Variants in IQCK observed in about 807,000 individuals in gnomAD.
IQCK encodes the protein IQ motif containing K.
In IQCK, 29 loss-of-function variants were observed where a neutral mutation model predicts 28.1. The observed-to-expected ratio is 1.03, with a 90% CI of 0.77 to 1.41. The LOEUF (loss-of-function observed/expected upper bound fraction) is 1.41, where lower values mean the gene tolerates loss of function less well. Among genes scored for constraint, IQCK ranks in the 40% most tolerant of loss-of-function variants. IQCK has a pLI of 0.00. For synonymous variants in IQCK, 113 were observed against 115.1 expected (o/e 0.98, Z 0.12); for missense variants, 359 against 314.7 (o/e 1.14, Z -1.07).
intron 4 of IQCK, chr16:19,761,330 C>T (rs2055138940): frequency 2.2e-6 from 1 of 447,166 alleles, no homozygotes; most frequent in Admixed American, 2.5e-5. Context: ...CTTCATCTCT[C>T]TGGTCTCCTG....
chr16:19,758,330 G>A (rs1180032014), intron 4 of IQCK, among the ~76,000 whole-genome samples: 2 of 152,136 alleles, frequency 1.3e-5, no homozygotes, highest in African/African-American at 2.4e-5. Context: ...GCACGTCCAC[G>A]CTTGCCCAGA....
At position 19,819,881 on chromosome 16, in the gene IQCK, G is replaced by GA. The variant is rs113684524; in HGVS notation, c.691-7134dup. On this transcript the variant is annotated intron_variant, in intron 7 of 7. Transcript: ENST00000564186. ...ACAGAAAGTCCATACAGTTTAACTT[G>GA]AAAAAAAAAAACATGCATTGTGGGA... is the stretch of plus-strand genomic sequence containing the variant. 8.8e-3 allele frequency among the ~76,000 whole-genome samples: 1,270 copies of GA among 144,334 alleles called. 5 individuals carry two copies. Among genetic ancestry groups the GA allele is most frequent in the African/African-American group, 0.013 (533 of 39,550 alleles). 94.7% of individuals were successfully genotyped at this position (144,334 alleles called of 152,430 possible).
chr16:19,839,470 G>C (rs1214497003), intron 9 of IQCK, among the ~76,000 whole-genome samples: 1 of 151,314 alleles, frequency 6.6e-6, no homozygotes, highest in Admixed American at 6.6e-5. Flanking sequence ...CAGTCACCCA[G>C]GATTTTAATG....
intron 7 of IQCK, among the ~76,000 whole-genome samples, chr16:19,823,491 C>G (rs1404116720): frequency 6.6e-6 from 1 of 152,136 alleles, no homozygotes; most frequent in Admixed American, 6.6e-5. Context: ...GAGAAGAGGA[C>G]ACCTGGGGTC....
intron 6 of IQCK, among the ~76,000 whole-genome samples, chr16:19,785,260 T>C (rs2055547109): frequency 6.6e-6 from 1 of 152,188 alleles, no homozygotes. Context: ...GCCGATCTGC[T>C]GGGTGCCCTT....
exon 10 of IQCK, chr16:19,858,434 A>G: frequency 1.6e-6 from 1 of 644,388 alleles, no homozygotes; most frequent in Non-Finnish European, 2.8e-6. Context: ...TGCTCACCTT[A>G]TATGCTTGGA....
intron 9 of IQCK, among the ~76,000 whole-genome samples, chr16:19,835,549 T>C (rs1183091535): frequency 1.3e-5 from 2 of 152,040 alleles, no homozygotes; most frequent in Non-Finnish European, 2.9e-5. Flanking sequence ...AACTATATTC[T>C]AGCTTGCTTG....
intron 7 of IQCK, among the ~76,000 whole-genome samples, chr16:19,822,980 C>CT (rs2056096375): frequency 6.6e-6 from 1 of 152,070 alleles, no homozygotes; most frequent in South Asian, 2.1e-4. Context: ...GGTGGCCCCT[C>CT]TATCAATAGG....
At chr16:19,853,502 G>A (rs995414446) in intron 9 of IQCK, among the ~76,000 whole-genome samples, 1 of 152,332 alleles carries the variant, frequency 6.6e-6, no homozygotes, top group Non-Finnish European at 1.5e-5. Flanking sequence ...ACAGCTTGCA[G>A]GTGAATTCTT....
intron 6 of IQCK, among the ~76,000 whole-genome samples, chr16:19,779,168 G>T (rs1414077551): frequency 6.6e-6 from 1 of 152,106 alleles, no homozygotes; most frequent in Non-Finnish European, 1.5e-5. Flanking sequence ...CTGTTAAAAA[G>T]ATCAGTCCGG....
At chr16:19,851,015 C>T (rs1237610136) in intron 9 of IQCK, among the ~76,000 whole-genome samples, 3 of 152,124 alleles carry the variant, frequency 2.0e-5, no homozygotes, top group African/African-American at 7.2e-5. Flanking sequence ...CAGAGCGAGA[C>T]CTGGTCTCAA....
At chr16:19,807,265 A>C (rs1281925175) in intron 7 of IQCK, among the ~76,000 whole-genome samples, 4 of 152,184 alleles carry the variant, frequency 2.6e-5, no homozygotes, top group Admixed American at 2.6e-4. Flanking sequence ...TGACATCCTA[A>C]CTGCAGCCTC....
intron 4 of IQCK, among the ~76,000 whole-genome samples, chr16:19,758,590 T>C (rs541847101): frequency 6.6e-6 from 1 of 152,344 alleles, no homozygotes; most frequent in East Asian, 1.9e-4. Flanking sequence ...GTTTAAATTA[T>C]TATACGGCAA....
chr16:19,741,694 T>C (rs1362568337), intron 4 of IQCK, among the ~76,000 whole-genome samples: 1 of 152,134 alleles, frequency 6.6e-6, no homozygotes, highest in Non-Finnish European at 1.5e-5. Flanking sequence ...TTGTTAAAAC[T>C]GTTCATATGT....
intron 4 of IQCK, among the ~76,000 whole-genome samples, chr16:19,750,424 G>A (rs2054970094): frequency 6.6e-6 from 1 of 150,642 alleles, no homozygotes; most frequent in South Asian, 2.1e-4. Context: ...ATTGCGCCTG[G>A]CCTAAGTTAA....
intron 9 of IQCK, among the ~76,000 whole-genome samples, chr16:19,834,895 A>G (rs1342436963): frequency 1.3e-5 from 2 of 152,106 alleles, no homozygotes; most frequent in Non-Finnish European, 2.9e-5. Context: ...AAAAAAGGTC[A>G]AGTTTTAGTG....
At chr16:19,839,162 T>G (rs1231378040) in intron 9 of IQCK, among the ~76,000 whole-genome samples, 1 of 151,742 alleles carries the variant, frequency 6.6e-6, no homozygotes, top group Non-Finnish European at 1.5e-5. Context: ...TATTTATTTA[T>G]TTATTTATTT....
At chr16:19,849,094 T>C (rs532314757) in intron 9 of IQCK, among the ~76,000 whole-genome samples, 2 of 152,204 alleles carry the variant, frequency 1.3e-5, no homozygotes, top group African/African-American at 4.8e-5. Context: ...GCAGCAATAC[T>C]GTTTAGGTGT....
rs1167894201 is a variant in IQCK at position 19,774,398 on chromosome 16, CTTTTTTTTTTTTTT to C, written c.605+10300_605+10313del. On this transcript the variant is annotated intron_variant, in intron 6 of 7. Transcript: ENST00000564186. ...AAGGGAATTATTTATTTAGCTAATA[CTTTTTTTTTTTTTT>C]TTTTTTTTTTTTTGAGACAGGGTCT... is the stretch of plus-strand genomic sequence containing the variant. Among the ~76,000 whole-genome samples, 4 of 104,098 alleles carry C rather than the reference CTTTTTTTTTTTTTT, an allele frequency of 3.8e-5. No homozygotes were observed. The East Asian group carries it at 9.8e-4, about 25-fold the overall frequency. The allele number at this position is 104,098 out of a possible 152,430, so 68.3% of individuals were successfully genotyped here.
Sources: allele counts gnomAD v4.1 joint callset (sites outside exome capture counted in the v4.1 genomes callset), GRCh38; gene constraint gnomAD v4.1.1; transcripts MANE v1.5; gene names NCBI Gene and HGNC (gene_info 2026-07-23, HGNC 2026-07-21).